The following MYO5B variants were observed in gnomAD, a reference collection of about 807,000 sequenced individuals.
MYO5B encodes unconventional myosin-Vb.
In MYO5B, 143 loss-of-function variants were observed where a neutral mutation model predicts 229.3. That is an observed-to-expected ratio of 0.62 (90% CI 0.54 to 0.72). The LOEUF (loss-of-function observed/expected upper bound fraction) is 0.72. MYO5B is among the 30% of genes least tolerant of loss of function. The probability of loss-of-function intolerance (pLI) is 0.00; values close to 1 mark genes in which losing one functional copy is unlikely to be tolerated. For missense variants in MYO5B, 2,321 were observed against 2,331.0 expected, an observed-to-expected ratio of 1.00 and a Z score of 0.09; for synonymous variants, 918 against 885.2, an observed-to-expected ratio of 1.04 and a Z score of -0.66.
chr18:50,088,282 GT>G (rs1000988577), intron 1 of MYO5B, among the ~76,000 whole-genome samples: 4 of 152,298 alleles, frequency 2.6e-5, no homozygotes, highest in Middle Eastern at 3.4e-3. Flanking sequence ...GCTACTGAAA[GT>G]TTCCGAAACA....
intron 4 of MYO5B, among the ~76,000 whole-genome samples, chr18:50,016,237 C>T (rs546880118): frequency 2.6e-4 from 40 of 152,154 alleles, no homozygotes; most frequent in Non-Finnish European, 5.0e-4. Flanking sequence ...CCTTACTGTG[C>T]CTGACTCTCA....
chr18:50,114,817 T>G (rs2031929842), intron 1 of MYO5B, among the ~76,000 whole-genome samples: 1 of 152,108 alleles, frequency 6.6e-6, no homozygotes, highest in African/African-American at 2.4e-5. Flanking sequence ...GTGGAGCAGG[T>G]GTGGTGGTTG....
chr18:50,080,308 G>A (rs2031188204), intron 1 of MYO5B, among the ~76,000 whole-genome samples: 1 of 152,132 alleles, frequency 6.6e-6, no homozygotes, highest in Non-Finnish European at 1.5e-5. Context: ...TAGGCTCAAG[G>A]AGGACATCTG....
At chr18:50,076,452 C>T (rs1477376016) in intron 1 of MYO5B, among the ~76,000 whole-genome samples, 3 of 152,148 alleles carry the variant, frequency 2.0e-5, no homozygotes, top group Non-Finnish European at 4.4e-5. Context: ...GGAGGGGAAG[C>T]AAAGATCACA....
intron 14 of MYO5B, among the ~76,000 whole-genome samples, chr18:49,944,755 C>T (rs1470552670): frequency 1.3e-5 from 2 of 152,140 alleles, no homozygotes; most frequent in Non-Finnish European, 2.9e-5. Flanking sequence ...TACGTTCAAG[C>T]TTCTCTGTTG....
chr18:49,887,937 C>T (rs932197378), intron 22 of MYO5B, among the ~76,000 whole-genome samples: 1 of 152,112 alleles, frequency 6.6e-6, no homozygotes, highest in Non-Finnish European at 1.5e-5. Context: ...CCACCCACCT[C>T]AGCCTCCCAA....
chr18:50,181,503 A>C (rs558222190), intron 1 of MYO5B, among the ~76,000 whole-genome samples: 53 of 152,364 alleles, frequency 3.5e-4, no homozygotes, highest in Non-Finnish European at 4.1e-4. Context: ...TGTGTGAATA[A>C]CTTAACTATT....
At chr18:49,972,381 C>G (rs1051365804) in intron 10 of MYO5B, among the ~76,000 whole-genome samples, 7 of 152,114 alleles carry the variant, frequency 4.6e-5, no homozygotes, top group African/African-American at 1.7e-4. Flanking sequence ...AAAAACCCAG[C>G]GGAAGATCAC....
At position 49,824,322 on chromosome 18, in the gene MYO5B, T is replaced by C. The variant is rs1462462004; in HGVS notation, c.*2149A>G. 2.6e-5 allele frequency: 4 copies of C among 152,414 alleles called. No homozygotes were observed. Among genetic ancestry groups the C allele is most frequent in the Admixed American group, 2.6e-4 (4 of 15,314 alleles). 9.4% of individuals were successfully genotyped at this position (152,414 alleles called of 1,614,324 possible). On this transcript the variant is annotated 3_prime_UTR_variant, in exon 40 of 40. Coordinates refer to ENST00000285039, the MANE Select transcript of MYO5B (RefSeq NM_001080467.3). ...ACAATTCCAGGATATACCTTTATCT[T>C]TTGGAAGAGAAGAACTAAATCTGCC...
At chr18:49,942,597 A>G (rs1219146271) in intron 14 of MYO5B, among the ~76,000 whole-genome samples, 4 of 152,116 alleles carry the variant, frequency 2.6e-5, no homozygotes, top group Non-Finnish European at 4.4e-5. Context: ...TTATGCAGCC[A>G]AAAGACACAT....
intron 5 of MYO5B, among the ~76,000 whole-genome samples, chr18:49,999,192 T>C (rs1434826058): frequency 6.6e-6 from 1 of 152,234 alleles, no homozygotes; most frequent in African/African-American, 2.4e-5. Context: ...CTAAAAGAAG[T>C]AGTACACTAT....
intron 23 of MYO5B, chr18:49,879,512 C>A (rs186559200): frequency 4.5e-4 from 109 of 242,888 alleles, no homozygotes; most frequent in African/African-American, 2.4e-3. Flanking sequence ...GGAAAGAAGG[C>A]AAATAGAGAA....
At chr18:50,111,581 T>C (rs1163245309) in intron 1 of MYO5B, among the ~76,000 whole-genome samples, 1 of 152,222 alleles carries the variant, frequency 6.6e-6, no homozygotes, top group African/African-American at 2.4e-5. Flanking sequence ...GCTAAAACCC[T>C]ATCTTCCTTA....
At chr18:49,871,176 T>A (rs527971146) in intron 27 of MYO5B, among the ~76,000 whole-genome samples, 2 of 152,284 alleles carry the variant, frequency 1.3e-5, no homozygotes, top group Non-Finnish European at 2.9e-5. Context: ...ATAAGCCAAT[T>A]ACAAAAAACA....
At chr18:49,921,631 G>C (rs955452999) in intron 17 of MYO5B, among the ~76,000 whole-genome samples, 6 of 152,180 alleles carry the variant, frequency 3.9e-5, no homozygotes, top group Non-Finnish European at 7.3e-5. Context: ...CAGGCTGAGG[G>C]AACACCCGGC....
intron 9 of MYO5B, among the ~76,000 whole-genome samples, chr18:49,978,694 TACACACACACACACACACACACACACAC>T (rs10527520): frequency 3.4e-4 from 48 of 139,210 alleles, no homozygotes; most frequent in African/African-American, 1.2e-3. Flanking sequence ...CAGCAAGTAA[TACACACACACACACACACACACACACAC>T]ACACACACAC....
intron 4 of MYO5B, among the ~76,000 whole-genome samples, chr18:50,020,224 A>G (rs1463837258): frequency 2.6e-5 from 4 of 151,736 alleles, no homozygotes; most frequent in Non-Finnish European, 4.4e-5. Context: ...TCCTATCTCC[A>G]CTCCCCAGGG....
intron 14 of MYO5B, among the ~76,000 whole-genome samples, chr18:49,941,499 A>G (rs1327889072): frequency 6.6e-6 from 1 of 152,184 alleles, no homozygotes; most frequent in Non-Finnish European, 1.5e-5. Context: ...GCTCCATGGA[A>G]GGAGATAAAG....
At chr18:49,851,275 T>C (rs1158818969) in intron 31 of MYO5B, among the ~76,000 whole-genome samples, 1 of 152,150 alleles carries the variant, frequency 6.6e-6, no homozygotes, top group Non-Finnish European at 1.5e-5. Flanking sequence ...CAGAGGTGAT[T>C]GTAAGATCCA....
Sources: allele counts gnomAD v4.1 joint callset (sites outside exome capture counted in the v4.1 genomes callset), GRCh38; gene constraint gnomAD v4.1.1; transcripts MANE v1.5; gene names NCBI Gene and HGNC (gene_info 2026-07-23, HGNC 2026-07-21).